Variants in MBNL2 observed in about 807,000 individuals in gnomAD.
MBNL2 encodes the protein muscleblind-like protein 2.
A neutral mutation model predicts 41.9 loss-of-function variants in MBNL2; 17 were observed. That is an observed-to-expected ratio of 0.41 (90% CI 0.28 to 0.61). The LOEUF is 0.61. MBNL2 is among the 20% of genes least tolerant of loss of function. The pLI, the probability that MBNL2 is intolerant of heterozygous loss-of-function variation, is 0.35. For synonymous variants in MBNL2, 195 were observed against 182.9 expected, an observed-to-expected ratio of 1.07 and a Z score of -0.53; for missense variants, 336 against 505.6, an observed-to-expected ratio of 0.66 and a Z score of 3.22.
intron 4 of MBNL2, among the ~76,000 whole-genome samples, chr13:97,345,495 G>A (rs377187650): frequency 1.5e-4 from 23 of 152,138 alleles, no homozygotes; most frequent in East Asian, 9.6e-4. Context: ...GAGAATCCTA[G>A]TTACTTGAGA....
chr13:97,297,243 A>T (rs1203348449), intron 2 of MBNL2, among the ~76,000 whole-genome samples: 3 of 152,102 alleles, frequency 2.0e-5, no homozygotes, highest in African/African-American at 4.8e-5. Flanking sequence ...TCTGTCTTTG[A>T]CATAGAGGGT....
chr13:97,328,677 G>A (rs1021926548), intron 2 of MBNL2, among the ~76,000 whole-genome samples: 8 of 152,166 alleles, frequency 5.3e-5, no homozygotes, highest in African/African-American at 1.9e-4. Flanking sequence ...TACAAATGGC[G>A]GGGGCCTGTT....
chr13:97,247,124 T>G (rs866000925), intron 1 of MBNL2, among the ~76,000 whole-genome samples: 2 of 152,210 alleles, frequency 1.3e-5, no homozygotes, highest in South Asian at 4.1e-4. Context: ...CCATACACAA[T>G]TCTATGTAAA....
intron 2 of MBNL2, among the ~76,000 whole-genome samples, chr13:97,314,898 T>A (rs2058905007): frequency 6.6e-6 from 1 of 152,204 alleles, no homozygotes. Flanking sequence ...AACTCTGGCC[T>A]TAGCTCACTC....
chr13:97,220,982 G>C (rs1340473235), upstream of MBNL2, among the ~76,000 whole-genome samples: 2 of 152,202 alleles, frequency 1.3e-5, no homozygotes, highest in Non-Finnish European at 2.9e-5. Flanking sequence ...TAGGATATGT[G>C]ATAGAATTAC....
intron 7 of MBNL2, among the ~76,000 whole-genome samples, chr13:97,359,260 G>C (rs1344500490): frequency 6.6e-6 from 1 of 150,500 alleles, no homozygotes; most frequent in Non-Finnish European, 1.5e-5. Flanking sequence ...TTGGCCACTA[G>C]ATATTTTAAG....
intron 8 of MBNL2, among the ~76,000 whole-genome samples, chr13:97,383,745 G>A (rs904734669): frequency 1.4e-4 from 21 of 152,122 alleles, no homozygotes; most frequent in Admixed American, 6.6e-4. Context: ...CTCAGTGTAT[G>A]CCTTTTCTGT....
the MBNL2 span, among the ~76,000 whole-genome samples, chr13:97,146,758 C>T: frequency 6.6e-6 from 1 of 152,092 alleles, no homozygotes; most frequent in South Asian, 2.1e-4. Flanking sequence ...TGTGTTGTTC[C>T]CAGGTGACCA....
Position 97,287,719 on chromosome 13 carries a change from T to C in MBNL2, c.174+11310T>C, listed in dbSNP as rs1305794065. Among the ~76,000 whole-genome samples, 4 of 133,700 alleles carry C rather than the reference T, an allele frequency of 3.0e-5. No individual in the cohort carries two copies. In the East Asian group the frequency reaches 8.1e-4, roughly 27 times the overall value. 87.7% of individuals were successfully genotyped at this position (133,700 alleles called of 152,430 possible). On this transcript the variant is annotated intron_variant, in intron 2 of 8. Transcript: ENST00000679496. ...TTTCTATTTTTTCTTTTCTTTTCTTTTCTTTTTTTTTTTTTTTTTTTTTGA... is the reference window on the plus strand; with the variant it reads ...TTTCTATTTTTTCTTTTCTTTTCTTCTCTTTTTTTTTTTTTTTTTTTTTGA...
the MBNL2 span, among the ~76,000 whole-genome samples, chr13:97,201,606 T>A: frequency 2.0e-5 from 3 of 152,216 alleles, no homozygotes; most frequent in Non-Finnish European, 4.4e-5. Flanking sequence ...AAAACTTTTA[T>A]CTATTCATTA....
intron 8 of MBNL2, among the ~76,000 whole-genome samples, chr13:97,367,283 G>A (rs766642149): frequency 2.0e-5 from 3 of 152,166 alleles, no homozygotes; most frequent in Non-Finnish European, 4.4e-5. Context: ...GATTGTATCC[G>A]TGACCCTAGC....
intron 1 of MBNL2, among the ~76,000 whole-genome samples, chr13:97,226,707 G>A (rs990269741): frequency 2.0e-5 from 3 of 152,052 alleles, no homozygotes; most frequent in Non-Finnish European, 4.4e-5. Flanking sequence ...GATAAGTACT[G>A]TTTAAATAAC....
intron 1 of MBNL2, among the ~76,000 whole-genome samples, chr13:97,256,197 GA>G (rs2047487512): frequency 6.6e-6 from 1 of 152,040 alleles, no homozygotes. Flanking sequence ...TAAATCTTTT[GA>G]AGATAAATTT....
chr13:97,199,995 G>A, the MBNL2 span, among the ~76,000 whole-genome samples: 14 of 152,342 alleles, frequency 9.2e-5, no homozygotes, highest in African/African-American at 2.9e-4. Context: ...TGCCAGACTG[G>A]CAAATGGAGA....
the MBNL2 span, among the ~76,000 whole-genome samples, chr13:97,191,240 A>C: frequency 6.6e-6 from 1 of 151,518 alleles, no homozygotes; most frequent in South Asian, 2.1e-4. Flanking sequence ...CGCCCTGGGA[A>C]GGGTGTGCAC....
intron 2 of MBNL2, among the ~76,000 whole-genome samples, chr13:97,332,721 A>C (rs2060531683): frequency 6.6e-6 from 1 of 152,220 alleles, no homozygotes; most frequent in African/African-American, 2.4e-5. Context: ...CCATGTATAC[A>C]TAGGAAGCTG....
the MBNL2 span, among the ~76,000 whole-genome samples, chr13:97,142,882 A>G: frequency 6.6e-6 from 1 of 152,180 alleles, no homozygotes; most frequent in Middle Eastern, 3.2e-3. Context: ...TTGCCTTGAG[A>G]AAAATCAGAG....
chr13:97,368,406 C>CCTGT (rs1352998420), intron 8 of MBNL2, among the ~76,000 whole-genome samples: 2 of 77,028 alleles, frequency 2.6e-5, no homozygotes, highest in African/African-American at 6.2e-5. Flanking sequence ...AGAGTGACAC[C>CCTGT]CTGTCTTAAA....
chr13:97,271,122 T>TTG (rs2050875691), intron 1 of MBNL2, among the ~76,000 whole-genome samples: 1 of 151,084 alleles, frequency 6.6e-6, no homozygotes, highest in African/African-American at 2.4e-5. Context: ...GTTTTTTTTT[T>TTG]TTTGTTTTTT....
Sources: gnomAD v4.1 joint callset for allele counts (sites outside exome capture counted in the v4.1 genomes callset) on GRCh38, gnomAD v4.1.1 for gene constraint, MANE v1.5 for transcripts, NCBI Gene and HGNC (gene_info 2026-07-23, HGNC 2026-07-21) for gene names.